CDH12: variants seen among roughly 807,000 people sequenced by gnomAD.
CDH12 encodes cadherin-12.
CDH12 carries 41 observed loss-of-function variants against 74.1 expected under a neutral mutation model. That is an observed-to-expected ratio of 0.55 (90% CI 0.43 to 0.72). The LOEUF is 0.72. Ranked by LOEUF, CDH12 falls within the 30% of genes least tolerant of loss-of-function variation. The pLI, the probability that CDH12 is intolerant of heterozygous loss-of-function variation, is 0.00. For synonymous variants in CDH12, 399 were observed against 355.0 expected, an observed-to-expected ratio of 1.12 and a Z score of -1.39; for missense variants, 945 against 977.2, an observed-to-expected ratio of 0.97 and a Z score of 0.44.
intron 1 of CDH12, among the ~76,000 whole-genome samples, chr5:22,586,722 T>A (rs1247462258): frequency 6.6e-6 from 1 of 151,980 alleles, no homozygotes; most frequent in Admixed American, 6.6e-5. Flanking sequence ...AATGGGGTTA[T>A]AGATTCACTG....
chr5:22,266,425 A>G (rs551075060), intron 3 of CDH12, among the ~76,000 whole-genome samples: 1 of 152,196 alleles, frequency 6.6e-6, no homozygotes, highest in South Asian at 2.1e-4. Flanking sequence ...TTTATCTGGA[A>G]GAGGATATTT....
intron 2 of CDH12, among the ~76,000 whole-genome samples, chr5:22,480,964 T>C (rs1419812727): frequency 6.6e-6 from 1 of 152,240 alleles, no homozygotes; most frequent in Non-Finnish European, 1.5e-5. Flanking sequence ...TTTTCTTCTA[T>C]GTATTTTTAT....
At chr5:22,493,644 A>G (rs1746982409) in intron 2 of CDH12, among the ~76,000 whole-genome samples, 1 of 151,964 alleles carries the variant, frequency 6.6e-6, no homozygotes, top group Non-Finnish European at 1.5e-5. Flanking sequence ...AGTTGGGTAA[A>G]ATTTTTCCAG....
At chr5:22,624,625 A>G (rs1738172192) in intron 1 of CDH12, among the ~76,000 whole-genome samples, 2 of 152,212 alleles carry the variant, frequency 1.3e-5, no homozygotes, top group African/African-American at 4.8e-5. Flanking sequence ...ATCTCACACC[A>G]GTTAGAATGG....
intron 10 of CDH12, among the ~76,000 whole-genome samples, 160 bp from the exon 11 acceptor site, chr5:21,783,654 G>T: frequency 6.6e-6 from 1 of 152,194 alleles, no homozygotes; most frequent in East Asian, 1.9e-4. Flanking sequence ...TGCAAAGTCA[G>T]TATGCTCAAG....
At chr5:22,003,168 T>C (rs1736703198) in intron 5 of CDH12, among the ~76,000 whole-genome samples, 2 of 152,076 alleles carry the variant, frequency 1.3e-5, no homozygotes, top group Admixed American at 6.5e-5. Context: ...ATATAATATA[T>C]ATAAAATTTT....
intron 9 of CDH12, 78 bp downstream of exon 9, chr5:21,816,867 T>C (rs186247291): frequency 1.9e-6 from 2 of 1,028,012 alleles, no homozygotes; most frequent in Middle Eastern, 2.5e-4. Context: ...TTAAAATTAC[T>C]TGTCATTTTC....
At chr5:21,859,549 C>T (rs1750926533) in intron 6 of CDH12, among the ~76,000 whole-genome samples, 1 of 151,840 alleles carries the variant, frequency 6.6e-6, no homozygotes, top group Admixed American at 6.6e-5. Flanking sequence ...TTCACCAGTC[C>T]AGAAATCAAA....
chr5:21,966,157 CG>C (rs1179726921), intron 6 of CDH12, among the ~76,000 whole-genome samples: 3 of 128,278 alleles, frequency 2.3e-5, no homozygotes, highest in African/African-American at 6.7e-5. Context: ...TCTATTTTTA[CG>C]TTTTTTTTTT....
intron 2 of CDH12, among the ~76,000 whole-genome samples, chr5:22,463,991 T>A (rs1003916052): frequency 6.6e-6 from 1 of 152,226 alleles, no homozygotes; most frequent in African/African-American, 2.4e-5. Flanking sequence ...CCAAATCTCA[T>A]CTTGAATTGT....
intron 2 of CDH12, among the ~76,000 whole-genome samples, chr5:22,466,076 C>T (rs186487087): frequency 1.2e-3 from 182 of 152,212 alleles, no homozygotes; most frequent in African/African-American, 4.3e-3. Context: ...TATCTAAATT[C>T]ACTCTAAGTA....
At chr5:22,451,975 C>T (rs556472672) in intron 2 of CDH12, among the ~76,000 whole-genome samples, 2 of 151,756 alleles carry the variant, frequency 1.3e-5, no homozygotes, top group Admixed American at 6.6e-5. Flanking sequence ...ATCTCACTTA[C>T]AATATCTACA....
At chr5:22,006,187 A>T (rs1364047797) in intron 5 of CDH12, among the ~76,000 whole-genome samples, 6 of 148,512 alleles carry the variant, frequency 4.0e-5, no homozygotes, top group South Asian at 2.1e-4. Flanking sequence ...TCTTCTTTTA[A>T]TTTTTTTTTT....
chr5:22,821,684 G>A (rs1461858288), intron 1 of CDH12, among the ~76,000 whole-genome samples: 3 of 151,706 alleles, frequency 2.0e-5, no homozygotes, highest in African/African-American at 7.3e-5. Context: ...GGGATGTGAA[G>A]GACCTCTTCA....
intron 5 of CDH12, among the ~76,000 whole-genome samples, chr5:22,012,903 G>A (rs567961117): frequency 2.1e-5 from 3 of 142,832 alleles, no homozygotes; most frequent in African/African-American, 7.9e-5. Flanking sequence ...TATTTACTAG[G>A]TAAAACTTGT....
intron 4 of CDH12, among the ~76,000 whole-genome samples, chr5:22,089,478 T>A (rs367609367): frequency 3.3e-5 from 5 of 151,956 alleles, no homozygotes. Flanking sequence ...GCATAAAGAA[T>A]TAAAGGAAGG....
chr5:22,139,680 C>T (rs1238347305), intron 4 of CDH12: 1 of 148,432 alleles, frequency 6.7e-6, no homozygotes, highest in Non-Finnish European at 1.5e-5. Flanking sequence ...CTTAATTCCT[C>T]AGATTAGCAT....
chr5:21,864,719 A>G (rs1751236821), intron 6 of CDH12, among the ~76,000 whole-genome samples: 1 of 152,184 alleles, frequency 6.6e-6, no homozygotes, highest in African/African-American at 2.4e-5. Flanking sequence ...GACTGGAAGA[A>G]TTTAGAGGAA....
intron 3 of CDH12, among the ~76,000 whole-genome samples, chr5:22,347,590 T>A (rs1205667068): frequency 6.6e-6 from 1 of 152,196 alleles, no homozygotes; most frequent in Non-Finnish European, 1.5e-5. Flanking sequence ...TTTGAGTCAA[T>A]ACTCCTTAAT....
Sources: gnomAD v4.1 joint callset for allele counts (sites outside exome capture counted in the v4.1 genomes callset) on GRCh38, gnomAD v4.1.1 for gene constraint, MANE v1.5 for transcripts, NCBI Gene and HGNC (gene_info 2026-07-23, HGNC 2026-07-21) for gene names.